The following XPO7 variants were observed in gnomAD, a reference collection of about 807,000 sequenced individuals.
XPO7 encodes the protein exportin-7.
In XPO7, 21 loss-of-function variants were observed where a neutral mutation model predicts 144.3. The observed-to-expected ratio is 0.15, with a 90% confidence interval of 0.10 to 0.21. The LOEUF (loss-of-function observed/expected upper bound fraction) is 0.21. Among genes scored for constraint, XPO7 ranks in the 10% least tolerant of loss-of-function variants. The pLI, the probability that XPO7 is intolerant of heterozygous loss-of-function variation, is 1.00. For missense variants in XPO7, 808 were observed against 1,325.8 expected (o/e 0.61, Z 6.06); for synonymous variants, 580 against 499.6 (o/e 1.16, Z -2.15).
chr8:21,973,291 A>G (rs551118350), intron 5 of XPO7, among the ~76,000 whole-genome samples: 78 of 152,338 alleles, frequency 5.1e-4, no homozygotes, highest in African/African-American at 1.8e-3. Context: ...GAGTACATAA[A>G]TTTTGATATA....
Position 21,981,716 on chromosome 8 carries a change from C to T in XPO7, c.958-15C>T. On this transcript the variant is annotated splice_polypyrimidine_tract_variant and intron_variant, in intron 9 of 27. Coordinates refer to ENST00000252512, the MANE Select transcript of XPO7 (RefSeq NM_015024.5). Reference sequence around the variant, plus strand: ...GCACATTTTACATTTTATTTTTCTCCTCTGCTACTGCCAGAGTTTATCAGA... The same window carrying T: ...GCACATTTTACATTTTATTTTTCTCTTCTGCTACTGCCAGAGTTTATCAGA... 1 of 1,612,414 alleles carries T rather than the reference C, an allele frequency of 6.2e-7. No homozygotes were observed. The highest frequency in any genetic ancestry group is 8.5e-7 in the Non-Finnish European group (1 of 1,178,706).
At chr8:21,967,700 C>A (rs1476473707) in intron 2 of XPO7, among the ~76,000 whole-genome samples, 9 of 152,146 alleles carry the variant, frequency 5.9e-5, no homozygotes, top group Non-Finnish European at 7.3e-5. Flanking sequence ...TTTGTGTCCT[C>A]TCTGCCACAG....
intron 1 of XPO7, chr8:21,966,317 C>T (rs373144743): frequency 1.1e-4 from 82 of 780,376 alleles, no homozygotes; most frequent in Admixed American, 8.0e-4. Context: ...GAGGAAGGTG[C>T]GTAAATACAT....
chr8:21,989,799 A>G, intron 16 of XPO7, among the ~76,000 whole-genome samples: 1 of 119,390 alleles, frequency 8.4e-6, no homozygotes, highest in African/African-American at 2.9e-5. Context: ...TCTTACAAAT[A>G]GGAGTTTGGT....
intron 2 of XPO7, 121 bp from the exon 3 acceptor site, chr8:21,969,362 G>A: frequency 1.3e-6 from 1 of 787,276 alleles, no homozygotes; most frequent in Non-Finnish European, 2.0e-6. Flanking sequence ...AAAATCCAGA[G>A]GATCAAATCT....
intron 1 of XPO7, among the ~76,000 whole-genome samples, chr8:21,954,319 G>T (rs1766293508): frequency 6.6e-6 from 1 of 152,066 alleles, no homozygotes; most frequent in Non-Finnish European, 1.5e-5. Context: ...GTATCAAATT[G>T]ATCCTAAAAA....
intron 1 of XPO7, among the ~76,000 whole-genome samples, chr8:21,943,040 A>G (rs1811046361): frequency 6.6e-6 from 1 of 152,166 alleles, no homozygotes; most frequent in Non-Finnish European, 1.5e-5. Flanking sequence ...GTTTGTGCAA[A>G]TGTCAGTACA....
At chr8:21,931,687 G>A (rs1810654570) in intron 1 of XPO7, among the ~76,000 whole-genome samples, 1 of 152,104 alleles carries the variant, frequency 6.6e-6, no homozygotes, top group Non-Finnish European at 1.5e-5. Context: ...TGACTGCTCT[G>A]GCTGCCAATA....
At chr8:21,967,857 G>GA (rs1217559896) in intron 2 of XPO7, among the ~76,000 whole-genome samples, 1 of 152,086 alleles carries the variant, frequency 6.6e-6, no homozygotes, top group Non-Finnish European at 1.5e-5. Context: ...GATACAATTT[G>GA]AAAAAATCAC....
chr8:21,919,829 C>G (rs958805086), intron 1 of XPO7, 41 bp downstream of exon 1: 2 of 385,858 alleles, frequency 5.2e-6, no homozygotes, highest in African/African-American at 2.2e-5. Flanking sequence ...CCACGAAGAG[C>G]GGCGAGTGGA....
chr8:21,990,429 T>A (rs1328187453), intron 17 of XPO7, 22 bp downstream of exon 17: 2 of 1,612,768 alleles, frequency 1.2e-6, no homozygotes, highest in Non-Finnish European at 1.7e-6. Context: ...TAGCTTTTTT[T>A]CCTGGCCCTC....
chr8:21,971,330 T>TAAGA (rs1812057411), intron 4 of XPO7, among the ~76,000 whole-genome samples: 1 of 152,360 alleles, frequency 6.6e-6, no homozygotes, highest in Middle Eastern at 3.4e-3. Context: ...AAACAGTTGA[T>TAAGA]AAGAGGACCT....
rs1193698009 is a variant in XPO7, at chr8:21,998,832, T to C, written c.2423T>C (p.Met808Thr). ...CGAGAAACCAGCAAGATGATAACAA[T>C]GTATGGTAAGTGCTTCAGATAATCA... The part of the protein sequence containing the change: ...LFRETSKMIT[M>T]YGNRILTLGE... Residue 808 changes from methionine (M) to threonine (T), a missense_variant, in exon 22 of 28, where the codon ATG (methionine) becomes ACG (threonine). Physicochemically the swap from Met to Thr is moderately conservative, Grantham distance 81. Transcript: ENST00000252512. 25 of 1,613,836 alleles carry C rather than the reference T, an allele frequency of 1.5e-5. No individual in the cohort carries two copies. The highest frequency in any genetic ancestry group is 2.0e-5 in the Non-Finnish European group (24 of 1,179,810).
Position 21,963,503 on chromosome 8 carries a change from G to C in XPO7, c.19-3354G>C, listed in dbSNP as rs531983687. Among the ~76,000 whole-genome samples the C allele has an allele frequency of 3.9e-5, 6 of 152,238 alleles. No individual in the cohort carries two copies. In the South Asian group the frequency reaches 1.2e-3, roughly 32 times the overall value. ...GAGGTCAGGAGTTCAAGACCAGCCTGGCCAATATGGTGAAACCCCGTCTCT... is the reference window on the plus strand; with the variant it reads ...GAGGTCAGGAGTTCAAGACCAGCCTCGCCAATATGGTGAAACCCCGTCTCT... On this transcript the variant is annotated intron_variant, in intron 1 of 27. Coordinates refer to ENST00000252512, the MANE Select transcript of XPO7 (RefSeq NM_015024.5).
At chr8:21,938,074 G>T (rs909784547) in intron 1 of XPO7, among the ~76,000 whole-genome samples, 1 of 151,764 alleles carries the variant, frequency 6.6e-6, no homozygotes, top group Non-Finnish European at 1.5e-5. Flanking sequence ...AAATTATTTT[G>T]ATTTTAATGT....
Position 22,003,862 on chromosome 8 carries a change from C to T in XPO7, c.3043-41C>T, listed in dbSNP as rs766795610. 149 of 1,612,204 alleles carry T rather than the reference C, an allele frequency of 9.2e-5. 4 individuals are homozygous for T. Among genetic ancestry groups the T allele is most frequent in the South Asian group, 1.4e-4 (13 of 90,940 alleles). On this transcript the variant is annotated intron_variant, in intron 26 of 27. Transcript: ENST00000252512. Reference sequence around the variant, plus strand: ...GATGACGGAGGGCTAATCTGCCTTCCCCTGCTTCTCTAACCTTCTGTTCCA... The same window carrying T: ...GATGACGGAGGGCTAATCTGCCTTCTCCTGCTTCTCTAACCTTCTGTTCCA...
At chr8:21,947,207 G>T (rs1335021287) in intron 1 of XPO7, among the ~76,000 whole-genome samples, 1 of 152,134 alleles carries the variant, frequency 6.6e-6, no homozygotes, top group Admixed American at 6.5e-5. Flanking sequence ...CAGTAACAGC[G>T]TAACACAGGA....
At chr8:21,974,230 G>GT (rs1812156853) in intron 5 of XPO7, among the ~76,000 whole-genome samples, 1 of 133,992 alleles carries the variant, frequency 7.5e-6, no homozygotes, top group South Asian at 2.2e-4. Flanking sequence ...TTTAGAGGTG[G>GT]TGGGGGGTCT....
At chr8:21,986,246 C>T (rs376324058) in intron 13 of XPO7, among the ~76,000 whole-genome samples, 2 of 151,754 alleles carry the variant, frequency 1.3e-5, no homozygotes, top group African/African-American at 2.4e-5. Context: ...CAGGTTCTCC[C>T]GGGTTCAAGC....
Sources: gnomAD v4.1 joint callset for allele counts (sites outside exome capture counted in the v4.1 genomes callset) on GRCh38, gnomAD v4.1.1 for gene constraint, MANE v1.5 for transcripts, NCBI Gene and HGNC (gene_info 2026-07-23, HGNC 2026-07-21) for gene names.